The following PDCD2L variants were observed in gnomAD, a reference collection of about 807,000 sequenced individuals.
The protein encoded by PDCD2L is programmed cell death 2 like, also known as uS5 assembly chaperone PDCD2L.
A neutral mutation model predicts 40.4 loss-of-function variants in PDCD2L; 44 were observed. The ratio of observed to expected loss-of-function variants is 1.09; its 90% CI spans 0.86 to 1.40. The LOEUF (loss-of-function observed/expected upper bound fraction) is 1.40, where lower values mean the gene tolerates loss of function less well. PDCD2L is among the 40% of genes most tolerant of loss of function. The pLI, the probability that PDCD2L is intolerant of heterozygous loss-of-function variation, is 0.00. For missense variants in PDCD2L, 470 were observed against 453.7 expected (o/e 1.04, Z -0.33); for synonymous variants, 194 against 174.6 (o/e 1.11, Z -0.88).
At chr19:34,425,870 T>A in intron 6 of PDCD2L, 120 bp from the exon 7 acceptor site, 1 of 949,950 alleles carries the variant, frequency 1.1e-6, no homozygotes, top group Non-Finnish European at 1.6e-6. Flanking sequence ...CTGAAAGCAG[T>A]AAGCACTGTT....
At position 34,413,617 on chromosome 19, in the gene PDCD2L, G is replaced by A. The variant is rs574274267; in HGVS notation, c.687-120G>A. On this transcript the variant is annotated intron_variant, in intron 4 of 6. Transcript: ENST00000246535. ...CTCCCAAAGTGCTGAGATTACAGGC[G>A]TGAGCCACTGCGCCTGCCCTGATAA... 88 of 551,158 alleles carry A rather than the reference G, an allele frequency of 1.6e-4. 1 individual carries two copies. Among genetic ancestry groups the A allele is most frequent in the Admixed American group, 1.0e-3 (32 of 30,788 alleles). The allele number at this position is 551,158 out of a possible 1,614,324, so 34.1% of individuals were successfully genotyped here. A position where few individuals can be genotyped will look rare whatever the true frequency, so the allele number is the denominator to read the frequency against.
chr19:34,416,425 A>G (rs6510417), intron 5 of PDCD2L, among the ~76,000 whole-genome samples: 141,787 of 152,180 alleles, frequency 0.93, 66,192 homozygotes, highest in African/African-American at 0.98. Context: ...GAAAGTTAAG[A>G]GCAATTTCGC....
At position 34,413,756 on chromosome 19, in the gene PDCD2L, GA is replaced by G. The variant is rs781260400; in HGVS notation, c.711del (p.Lys237AsnfsTer6). On this transcript the variant is annotated frameshift_variant, in exon 5 of 7. Coordinates refer to ENST00000246535, the MANE Select transcript of PDCD2L (RefSeq NM_032346.2). LOFTEE classifies it high-confidence loss of function. ...LSQSLPNDGD[E>X]KYEKTIIKSG... Reference sequence around the variant, plus strand: ...TTTTAGCCTTCCTAATGATGGTGATGAAAAATATGAGAAGACCATAATTAAA... The same window carrying G: ...TTTTAGCCTTCCTAATGATGGTGATGAAAATATGAGAAGACCATAATTAAA... 6.3e-7 allele frequency: 1 copy of G among 1,592,458 alleles called. No homozygotes were observed. The highest frequency in any genetic ancestry group is 2.2e-5 in the East Asian group (1 of 44,716).
chr19:34,423,557 C>T, intron 6 of PDCD2L, among the ~76,000 whole-genome samples: 1 of 143,250 alleles, frequency 7.0e-6, no homozygotes, highest in East Asian at 2.1e-4. Flanking sequence ...TACAGTGGCA[C>T]TATCTCGGCT....
intron 3 of PDCD2L, among the ~76,000 whole-genome samples, chr19:34,406,218 G>A (rs2075074725): frequency 6.6e-6 from 1 of 152,168 alleles, no homozygotes; most frequent in South Asian, 2.1e-4. Flanking sequence ...TAAATTGACA[G>A]TTTATAATAA....
chr19:34,404,532 C>T lies in PDCD2L; in HGVS notation c.102C>T (p.Gly34=). The change falls in exon 1 of 7, where the codon GGC becomes GGT. Residue 34 remains glycine, a synonymous_variant. Transcript: ENST00000246535. The stretch of plus-strand genomic sequence containing the variant: ...CCTGGACTGCTAGCAAGCTGGGCGG[C>T]ATTCCGGTGAGGGCGGGTGCCGGAG... The part of the protein sequence containing the change: ...PGAWTASKLG[G]IPDALPTVAA... 6.5e-7 allele frequency: 1 copy of T among 1,545,670 alleles called. No individual in the cohort carries two copies. The highest frequency in any genetic ancestry group is 8.7e-7 in the Non-Finnish European group (1 of 1,149,638).
intron 3 of PDCD2L, among the ~76,000 whole-genome samples, chr19:34,407,111 A>G (rs2075080233): frequency 6.6e-6 from 1 of 151,808 alleles, no homozygotes; most frequent in South Asian, 2.1e-4. Flanking sequence ...TGCTGGGATT[A>G]CAGGCGTGAG....
At position 34,426,080 on chromosome 19, in the gene PDCD2L, G is replaced by A. The variant is rs1022583289; in HGVS notation, c.1037G>A (p.Cys346Tyr). The A allele has an allele frequency of 6.3e-7, 1 of 1,598,436 alleles. No homozygotes were observed. The highest frequency in any genetic ancestry group is 8.6e-7 in the Non-Finnish European group (1 of 1,165,810). The change falls in exon 7 of 7, where the codon TGT (cysteine) becomes TAT (tyrosine). Residue 346 changes from cysteine (C) to tyrosine (Y), a missense_variant. Physicochemically the swap from Cys to Tyr is radical, Grantham distance 194. Coordinates refer to ENST00000246535, the MANE Select transcript of PDCD2L (RefSeq NM_032346.2). ...CATCAGACTCCCATGGAAGAATTTT[G>A]TATTATACAAGAAGACCCAGATGAA... is the stretch of plus-strand genomic sequence containing the variant. ...PNHQTPMEEF[C>Y]IIQEDPDELL...
At chr19:34,425,519 T>G (rs1275958450) in intron 6 of PDCD2L, among the ~76,000 whole-genome samples, 2 of 151,684 alleles carry the variant, frequency 1.3e-5, no homozygotes, top group Admixed American at 1.3e-4. Context: ...CTATATGAGA[T>G]ATATATATAT....
At chr19:34,414,750 A>T (rs960015648) in intron 5 of PDCD2L, among the ~76,000 whole-genome samples, 1 of 151,866 alleles carries the variant, frequency 6.6e-6, no homozygotes, top group Non-Finnish European at 1.5e-5. Flanking sequence ...TTGGCTTCCC[A>T]GAGTTTGTTC....
At chr19:34,412,313 C>T (rs1263060774) in intron 4 of PDCD2L, among the ~76,000 whole-genome samples, 3 of 152,030 alleles carry the variant, frequency 2.0e-5, no homozygotes, top group Admixed American at 2.0e-4. Context: ...CCACTGTGCC[C>T]TGCGACTTTT....
At chr19:34,425,106 A>C (rs10853938) in intron 6 of PDCD2L, among the ~76,000 whole-genome samples, 100,747 of 151,794 alleles carry the variant, frequency 0.66, 36,708 homozygotes, top group Non-Finnish European at 0.82. Flanking sequence ...ATCATTGCCT[A>C]CGTCATCCTC....
intron 3 of PDCD2L, 152 bp downstream of exon 3, chr19:34,405,142 AGTTT>A: frequency 2.7e-6 from 1 of 364,650 alleles, no homozygotes; most frequent in Non-Finnish European, 4.4e-6. Flanking sequence ...ATTTTCGTAA[AGTTT>A]TTTTTTTTTT....
intron 3 of PDCD2L, among the ~76,000 whole-genome samples, chr19:34,407,424 C>T (rs771604648): frequency 2.6e-5 from 4 of 152,176 alleles, no homozygotes; most frequent in Non-Finnish European, 5.9e-5. Flanking sequence ...CAGGCGTGAG[C>T]CACCACACCT....
chr19:34,423,603 T>G (rs951971963), intron 6 of PDCD2L, among the ~76,000 whole-genome samples: 21 of 149,814 alleles, frequency 1.4e-4, no homozygotes, highest in African/African-American at 5.2e-4. Context: ...CAAGCGATTC[T>G]CCTGCCTCAG....
chr19:34,411,113 T>G (rs916303920), intron 4 of PDCD2L, among the ~76,000 whole-genome samples: 7 of 151,298 alleles, frequency 4.6e-5, no homozygotes, highest in Non-Finnish European at 1.0e-4. Context: ...TCTTAAGTTT[T>G]TATGTATTTG....
intron 6 of PDCD2L, chr19:34,421,997 G>A (rs906899140): frequency 6.0e-6 from 1 of 166,818 alleles, no homozygotes; most frequent in African/African-American, 2.4e-5. Context: ...TTGAGGCAGG[G>A]AATCGCTTGA....
chr19:34,405,143 G>GTTTTTTTTT (rs74177144), intron 3 of PDCD2L, among the ~76,000 whole-genome samples, 153 bp downstream of exon 3: 2 of 111,078 alleles, frequency 1.8e-5, no homozygotes, highest in African/African-American at 3.7e-5. Flanking sequence ...TTTTCGTAAA[G>GTTTTTTTTT]TTTTTTTTTT....
intron 6 of PDCD2L, among the ~76,000 whole-genome samples, chr19:34,423,090 A>G (rs1010123820): frequency 6.6e-6 from 1 of 152,184 alleles, no homozygotes; most frequent in Non-Finnish European, 1.5e-5. Flanking sequence ...TTAACAGAAA[A>G]TAACATTCTT....
Sources: gnomAD v4.1 joint callset for allele counts (sites outside exome capture counted in the v4.1 genomes callset) on GRCh38, gnomAD v4.1.1 for gene constraint, MANE v1.5 for transcripts, NCBI Gene and HGNC (gene_info 2026-07-23, HGNC 2026-07-21) for gene names.